The following NKAIN3 variants were observed in gnomAD, a reference collection of about 807,000 sequenced individuals.
The protein encoded by NKAIN3 is sodium/potassium transporting ATPase interacting 3, also known as sodium/potassium-transporting ATPase subunit beta-1-interacting protein 3.
In NKAIN3, 25 loss-of-function variants were observed where a neutral mutation model predicts 30.2. The observed-to-expected ratio is 0.83, with a 90% CI of 0.60 to 1.16. The LOEUF is 1.16. NKAIN3 is among the 50% of genes most tolerant of loss of function. The pLI, the probability that NKAIN3 is intolerant of heterozygous loss-of-function variation, is 0.00. For synonymous variants in NKAIN3, 91 were observed against 89.6 expected (o/e 1.02, Z -0.09); for missense variants, 225 against 254.1 (o/e 0.89, Z 0.78).
chr8:62,292,885 G>A (rs1324978239), intron 1 of NKAIN3, among the ~76,000 whole-genome samples: 2 of 151,992 alleles, frequency 1.3e-5, no homozygotes, highest in Non-Finnish European at 2.9e-5. Flanking sequence ...ACGTAGATTT[G>A]GTCTTTTCAC....
At chr8:62,923,821 G>T (rs141994339) in intron 5 of NKAIN3, among the ~76,000 whole-genome samples, 134 of 152,318 alleles carry the variant, frequency 8.8e-4, no homozygotes, top group Middle Eastern at 6.8e-3. Context: ...GCACAGAACA[G>T]GATCCCAGCT....
chr8:62,863,110 T>G, intron 4 of NKAIN3: 1 of 1,343,612 alleles, frequency 7.4e-7, no homozygotes, highest in South Asian at 1.2e-5. Flanking sequence ...TTCCCCATCC[T>G]GCTCATTGGA....
chr8:62,596,302 A>G (rs925328419), intron 3 of NKAIN3, among the ~76,000 whole-genome samples: 3 of 151,922 alleles, frequency 2.0e-5, no homozygotes, highest in Non-Finnish European at 4.4e-5. Flanking sequence ...GGGTCCTTCT[A>G]TAAGCATTTC....
At chr8:62,352,848 C>T (rs898758548) in intron 1 of NKAIN3, among the ~76,000 whole-genome samples, 1 of 152,096 alleles carries the variant, frequency 6.6e-6, no homozygotes, top group Admixed American at 6.6e-5. Context: ...TACTTTCTTA[C>T]CTAGGCAGTG....
At chr8:62,396,535 A>G (rs188943802) in intron 1 of NKAIN3, among the ~76,000 whole-genome samples, 95 of 152,368 alleles carry the variant, frequency 6.2e-4, no homozygotes, top group Admixed American at 2.5e-3. Flanking sequence ...AGCTTAAGAT[A>G]CCAATGTGTT....
chr8:62,478,157 G>A (rs1273763115), intron 1 of NKAIN3, among the ~76,000 whole-genome samples: 1 of 151,978 alleles, frequency 6.6e-6, no homozygotes, highest in African/African-American at 2.4e-5. Context: ...GTAACTGATA[G>A]GAGTTATTAT....
intron 1 of NKAIN3, among the ~76,000 whole-genome samples, chr8:62,535,919 C>G (rs781753484): frequency 6.6e-6 from 1 of 152,148 alleles, no homozygotes; most frequent in Non-Finnish European, 1.5e-5. Flanking sequence ...ACATCAATGG[C>G]CTGCCTCTGA....
intron 5 of NKAIN3, among the ~76,000 whole-genome samples, chr8:62,991,991 C>T (rs1354022978): frequency 6.6e-6 from 1 of 151,684 alleles, no homozygotes; most frequent in Non-Finnish European, 1.5e-5. Flanking sequence ...CTCCCCTCGC[C>T]ACCCCACTTT....
At chr8:62,925,434 T>C (rs762635390) in intron 5 of NKAIN3, among the ~76,000 whole-genome samples, 4 of 152,216 alleles carry the variant, frequency 2.6e-5, no homozygotes, top group Admixed American at 6.5e-5. Context: ...TTTTATCAAT[T>C]TTCCAGAGCA....
At chr8:62,533,477 G>A (rs970805157) in intron 1 of NKAIN3, among the ~76,000 whole-genome samples, 1 of 111,176 alleles carries the variant, frequency 9.0e-6, no homozygotes, top group Non-Finnish European at 1.8e-5. Context: ...AGGGCCTTAT[G>A]TGCTCATCTT....
intron 5 of NKAIN3, among the ~76,000 whole-genome samples, chr8:62,942,016 AC>A (rs1822969834): frequency 6.6e-6 from 1 of 151,982 alleles, no homozygotes; most frequent in South Asian, 2.1e-4. Flanking sequence ...AGAAAAGCCT[AC>A]AGACTAATCC....
intron 4 of NKAIN3, among the ~76,000 whole-genome samples, chr8:62,802,965 C>T (rs61377731): frequency 6.6e-6 from 1 of 151,938 alleles, no homozygotes; most frequent in Non-Finnish European, 1.5e-5. Context: ...GGTTGCAATC[C>T]TAGTCTCTGA....
chr8:62,755,730 A>T (rs1313183123), intron 4 of NKAIN3, among the ~76,000 whole-genome samples: 1 of 152,130 alleles, frequency 6.6e-6, no homozygotes, highest in Non-Finnish European at 1.5e-5. Flanking sequence ...ACTATTAAAG[A>T]TTTAGACTGA....
At chr8:62,858,532 A>T (rs1171801622) in intron 4 of NKAIN3, among the ~76,000 whole-genome samples, 2 of 152,168 alleles carry the variant, frequency 1.3e-5, no homozygotes, top group Admixed American at 1.3e-4. Context: ...AGAACTGTTC[A>T]TACCGTATGT....
chr8:62,353,528 G>C, intron 1 of NKAIN3, among the ~76,000 whole-genome samples: 1 of 152,046 alleles, frequency 6.6e-6, no homozygotes, highest in East Asian at 1.9e-4. Flanking sequence ...TGTATGAATG[G>C]TATATTATCT....
intron 4 of NKAIN3, among the ~76,000 whole-genome samples, chr8:62,870,379 CTA>C (rs1820588746): frequency 1.5e-5 from 2 of 134,462 alleles, no homozygotes; most frequent in South Asian, 2.2e-4. Flanking sequence ...AATATATACA[CTA>C]TATATGTACA....
At chr8:62,282,157 T>C (rs1255094605) in intron 1 of NKAIN3, among the ~76,000 whole-genome samples, 1 of 152,118 alleles carries the variant, frequency 6.6e-6, no homozygotes, top group African/African-American at 2.4e-5. Flanking sequence ...TCATGTGGTC[T>C]TCAGACTACC....
chr8:62,655,743 G>T (rs1812743686), intron 3 of NKAIN3, among the ~76,000 whole-genome samples: 1 of 152,038 alleles, frequency 6.6e-6, no homozygotes, highest in Admixed American at 6.6e-5. Context: ...TTGCAGGCAG[G>T]CGGATATACA....
chr8:62,340,414 A>G (rs1006942220), intron 1 of NKAIN3, among the ~76,000 whole-genome samples: 2 of 151,854 alleles, frequency 1.3e-5, no homozygotes, highest in Admixed American at 6.6e-5. Context: ...TCTAGTTTCT[A>G]TTACCTGCTT....
Sources: allele counts gnomAD v4.1 joint callset (sites outside exome capture counted in the v4.1 genomes callset), GRCh38; gene constraint gnomAD v4.1.1; transcripts MANE v1.5; gene names NCBI Gene and HGNC (gene_info 2026-07-23, HGNC 2026-07-21).